The following HCCS variants were observed in gnomAD, a reference collection of about 807,000 sequenced individuals.
HCCS encodes the protein holocytochrome c synthase, also known as holocytochrome c-type synthase.
A neutral mutation model predicts 24.2 loss-of-function variants in HCCS; 2 were observed. That is an observed-to-expected ratio of 0.08 (90% CI 0.03 to 0.26). The LOEUF is 0.26. Ranked by LOEUF, HCCS falls within the 10% of genes least tolerant of loss-of-function variation. HCCS has a pLI of 1.00. For synonymous variants in HCCS, 73 were observed against 76.2 expected (o/e 0.96, Z 0.22); for missense variants, 150 against 213.3 (o/e 0.70, Z 1.85).
intron 2 of HCCS, among the ~76,000 whole-genome samples, chrX:11,113,081 A>G (rs2045423822): frequency 8.8e-6 from 1 of 113,109 alleles, no homozygotes; most frequent in Non-Finnish European, 1.9e-5. Context: ...AGATAAGAAA[A>G]TGAAAATGGA....
chrX:11,111,905 G>T (rs2045410784), intron 1 of HCCS, 114 bp from the exon 2 acceptor site: 1 of 505,214 alleles, frequency 2.0e-6, no homozygotes. Flanking sequence ...TTAGTACCCT[G>T]CCTGGTAGAT....
Position 11,120,987 on chromosome X carries a change from G to T in HCCS, c.602G>T (p.Trp201Leu). The change falls in exon 6 of 7, where the codon TGG (tryptophan) becomes TTG (leucine). Residue 201 changes from tryptophan to leucine, a missense_variant. Trp to Leu is a moderately conservative substitution (Grantham distance 61). This residue lies in a region of HCCS where 55 missense variants were observed against 134.2 expected (regional missense o/e 0.41). Coordinates refer to ENST00000380762, the MANE Select transcript of HCCS (RefSeq NM_005333.5). ...EYSPRARIRSWMGYELPFDRH... is the reference protein window; with the variant it reads ...EYSPRARIRSLMGYELPFDRH... ...TCACCAAGGGCACGAATTCGTTCCT[G>T]GATGGGGTGAGTGTCAGCGCAGAAG... 1.7e-6 allele frequency: 2 copies of T among 1,199,045 alleles called. No homozygotes were observed. Among genetic ancestry groups the T allele is most frequent in the East Asian group, 5.9e-5 (2 of 33,785 alleles).
chrX:11,121,838 A>G lies in HCCS; in HGVS notation c.*28A>G, dbSNP rs1046078662. ...CACTGTTTCAGATGGAAAAATATAA[A>G]CTATTTTTTTCTGAGCGATACATTA... On this transcript the variant is annotated 3_prime_UTR_variant, in exon 7 of 7. Transcript: ENST00000380762. The G allele has an allele frequency of 1.8e-6, 2 of 1,126,945 alleles. No homozygotes were observed. The highest frequency in any genetic ancestry group is 2.4e-6 in the Non-Finnish European group (2 of 820,812). The allele number at this position is 1,126,945 out of a possible 1,213,427, so 92.9% of individuals were successfully genotyped here. A position where few individuals can be genotyped will look rare whatever the true frequency, so the allele number is the denominator to read the frequency against.
chrX:11,121,452 C>G (rs946817882), intron 6 of HCCS, among the ~76,000 whole-genome samples, 160 bp from the exon 7 acceptor site: 2 of 112,550 alleles, frequency 1.8e-5, no homozygotes, highest in African/African-American at 6.5e-5. Context: ...GTGCCATCTT[C>G]CCTTAGTGCT....
chrX:11,121,707 A>G lies in HCCS; in HGVS notation c.704A>G (p.Asn235Ser), dbSNP rs1464547777. 9 of 1,204,623 alleles carry G rather than the reference A, an allele frequency of 7.5e-6. No individual in the cohort carries two copies. In the Admixed American group the frequency reaches 8.7e-5, roughly 12 times the overall value. The change falls in exon 7 of 7, where the codon AAC (asparagine) becomes AGC (serine). Residue 235 changes from asparagine to serine, a missense_variant. Physicochemically the swap from Asn to Ser is conservative, Grantham distance 46 (BLOSUM62 1). Around this residue, in one of 2 missense-constraint regions of HCCS, gnomAD observed 55 missense variants for 134.2 expected, o/e 0.41. Transcript: ENST00000380762. ...GATTATTATGATGGTGGTGAAGTCA[A>G]CAAGGACTACCAGTTCACCATCCTG... ...VIDYYDGGEV[N>S]KDYQFTILDV...
chrX:11,113,705 C>G (rs1180802452), intron 2 of HCCS, among the ~76,000 whole-genome samples: 1 of 111,916 alleles, frequency 8.9e-6, no homozygotes, highest in Non-Finnish European at 1.9e-5. Context: ...TATAGGAGAT[C>G]GAAGGGGCTA....
chrX:11,117,228 T>C (rs1257244442), intron 3 of HCCS, 39 bp from the exon 4 acceptor site: 1 of 1,161,334 alleles, frequency 8.6e-7, no homozygotes, highest in African/African-American at 1.8e-5. Context: ...TGCCTTTTAC[T>C]TTATATCCTA....
At chrX:11,115,591 A>G (rs889803557) in intron 3 of HCCS, among the ~76,000 whole-genome samples, 1 of 112,074 alleles carries the variant, frequency 8.9e-6, no homozygotes, top group African/African-American at 3.2e-5. Flanking sequence ...TAGAAATTTT[A>G]GTGAACCAGA....
At chrX:11,113,713 C>T (rs1239899967) in intron 2 of HCCS, among the ~76,000 whole-genome samples, 1 of 112,088 alleles carries the variant, frequency 8.9e-6, no homozygotes, top group African/African-American at 3.3e-5. Context: ...ATCGAAGGGG[C>T]TACTGGTTAT....
chrX:11,111,356 G>GGCA lies in HCCS; in HGVS notation c.-203_-202insAGC, dbSNP rs2045406205. Reference sequence around the variant, plus strand: ...CACAGCGGTGACCGAGTGAGAGGAAGGCGGCGGCGGCGGCGGCGGCGGCGT... The same window carrying GGCA: ...CACAGCGGTGACCGAGTGAGAGGAAGGCAGCGGCGGCGGCGGCGGCGGCGGCGT... On this transcript the variant is annotated 5_prime_UTR_variant, in exon 1 of 7. Transcript: ENST00000380762. 1 of 96,874 alleles carries GGCA rather than the reference G, an allele frequency of 1.0e-5. No homozygotes were observed. Among genetic ancestry groups the GGCA allele is most frequent in the South Asian group, 1.1e-4 (1 of 9,494 alleles). The allele number at this position is 96,874 out of a possible 1,213,427, so 8.0% of individuals were successfully genotyped here.
intron 5 of HCCS, 43 bp downstream of exon 5, chrX:11,118,663 A>C: frequency 8.6e-7 from 1 of 1,159,068 alleles, no homozygotes; most frequent in Non-Finnish European, 1.2e-6. Flanking sequence ...CATCTTTGTT[A>C]TTTCATATCA....
At position 11,114,969 on chromosome X, in the gene HCCS, C is replaced by G. The variant is rs749061663; in HGVS notation, c.235C>G (p.Leu79Val). 8.3e-7 allele frequency: 1 copy of G among 1,209,241 alleles called. No homozygotes were observed. Residue 79 changes from leucine to valine, a missense_variant, in exon 3 of 7, where the codon CTA (leucine) becomes GTA (valine). By Grantham distance (32) the Leu-to-Val change is conservative. Transcript: ENST00000380762. ...RGTAAENKEN[L>V]DPSNLMPPPN... is the part of the protein sequence containing the mutation. Reference sequence around the variant, plus strand: ...CACTGCGGCTGAGAATAAGGAGAACCTAGATCCTTCAAATCTGGTAATCCA... The same window carrying G: ...CACTGCGGCTGAGAATAAGGAGAACGTAGATCCTTCAAATCTGGTAATCCA...
chrX:11,116,664 A>G (rs143827741), intron 3 of HCCS, among the ~76,000 whole-genome samples: 72 of 112,452 alleles, frequency 6.4e-4, no homozygotes, highest in African/African-American at 2.3e-3. Flanking sequence ...TCCAAATGTC[A>G]ATAGTGCCAC....
At chrX:11,112,836 T>C (rs906454575) in intron 2 of HCCS, among the ~76,000 whole-genome samples, 80 of 112,583 alleles carry the variant, frequency 7.1e-4, no homozygotes, top group African/African-American at 2.5e-3. Context: ...CATTTTTGGT[T>C]GTCACAACTG....
rs1369775030 is a variant in HCCS, at chrX:11,112,070, T to C, written c.10T>C (p.Ser4Pro). Residue 4 changes from serine to proline, a missense_variant, in exon 2 of 7, where the codon TCT (serine) becomes CCT (proline). This residue lies in a region of HCCS where 95 missense variants were observed against 79.1 expected (regional missense o/e 1.20). Coordinates refer to ENST00000380762, the MANE Select transcript of HCCS (RefSeq NM_005333.5). The part of the protein sequence containing the change: MGL[S>P]PSAPAVAVQA... ...AACACTGTTTCCAGCCATGGGTTTG[T>C]CTCCATCTGCTCCTGCTGTTGCAGT... 1.7e-6 allele frequency: 2 copies of C among 1,205,070 alleles called. No homozygotes were observed.
chrX:11,121,464 T>C, intron 6 of HCCS, 148 bp from the exon 7 acceptor site: 1 of 514,143 alleles, frequency 1.9e-6, no homozygotes, highest in South Asian at 2.7e-5. Flanking sequence ...CTTAGTGCTG[T>C]TCACTGTGTA....
chrX:11,115,025 G>A, intron 3 of HCCS, 39 bp downstream of exon 3: 1 of 1,146,086 alleles, frequency 8.7e-7, no homozygotes, highest in South Asian at 1.8e-5. Context: ...AGCTTTTTAT[G>A]CAGGGTTGCT....
At chrX:11,112,819 C>A (rs1438267602) in intron 2 of HCCS, among the ~76,000 whole-genome samples, 1 of 112,562 alleles carries the variant, frequency 8.9e-6, no homozygotes, top group Non-Finnish European at 1.9e-5. Context: ...TTGCCAATAT[C>A]TGGAGGCATT....
chrX:11,115,208 G>A lies in HCCS; in HGVS notation c.252+222G>A, dbSNP rs182178069. On this transcript the variant is annotated intron_variant, in intron 3 of 6. Transcript: ENST00000380762. Reference sequence around the variant, plus strand: ...GTGATTATGAGGAGCCAGCATAGTTGTACTGGGAATAAGCCATACCAAATG... The same window carrying A: ...GTGATTATGAGGAGCCAGCATAGTTATACTGGGAATAAGCCATACCAAATG... 4.4e-5 allele frequency among the ~76,000 whole-genome samples: 5 copies of A among 112,456 alleles called. No individual in the cohort carries two copies. In the East Asian group the frequency reaches 1.4e-3, roughly 31 times the overall value.
Sources: gnomAD v4.1 joint callset for allele counts (sites outside exome capture counted in the v4.1 genomes callset) on GRCh38, gnomAD v4.1.1 for gene constraint, gnomAD v4.1.1 regional missense constraint, MANE v1.5 for transcripts, NCBI Gene and HGNC (gene_info 2026-07-23, HGNC 2026-07-21) for gene names.